The following VPS13B variants were observed in gnomAD, a reference collection of about 807,000 sequenced individuals.
The protein encoded by VPS13B is intermembrane lipid transfer protein VPS13B.
A neutral mutation model predicts 426.4 loss-of-function variants in VPS13B; 285 were observed. The ratio of observed to expected loss-of-function variants is 0.67; its 90% CI spans 0.61 to 0.74. The LOEUF (loss-of-function observed/expected upper bound fraction) is 0.74. Among genes scored for constraint, VPS13B ranks in the 30% least tolerant of loss-of-function variants. The pLI, the probability that VPS13B is intolerant of heterozygous loss-of-function variation, is 0.00. For missense variants in VPS13B, 4,537 were observed against 4,782.6 expected (o/e 0.95, Z 1.51); for synonymous variants, 1,676 against 1,676.4 (o/e 1.00, Z 0.01).
At chr8:99,298,295 C>A (rs371924195) in intron 19 of VPS13B, among the ~76,000 whole-genome samples, 1 of 152,070 alleles carries the variant, frequency 6.6e-6, no homozygotes, top group Non-Finnish European at 1.5e-5. Flanking sequence ...TCGAGACCAG[C>A]CTGACCAATA....
intron 43 of VPS13B, among the ~76,000 whole-genome samples, chr8:99,789,402 T>C (rs923908011): frequency 6.6e-6 from 1 of 152,152 alleles, no homozygotes; most frequent in Non-Finnish European, 1.5e-5. Context: ...TGTTCTCCTA[T>C]GTGTGCATGC....
chr8:99,581,196 A>G (rs1826042742), intron 33 of VPS13B, among the ~76,000 whole-genome samples: 1 of 152,058 alleles, frequency 6.6e-6, no homozygotes, highest in African/African-American at 2.4e-5. Flanking sequence ...AAAAAAAAGT[A>G]TAATATGATA....
chr8:99,141,272 G>C (rs770491122), intron 12 of VPS13B, among the ~76,000 whole-genome samples: 4 of 152,152 alleles, frequency 2.6e-5, no homozygotes, highest in Non-Finnish European at 4.4e-5. Flanking sequence ...ACAAGCCATG[G>C]TATCTAAATT....
chr8:99,615,117 CAA>C (rs747102670), intron 33 of VPS13B, among the ~76,000 whole-genome samples: 27 of 58,608 alleles, frequency 4.6e-4, no homozygotes, highest in Admixed American at 1.2e-3. Flanking sequence ...AACTCCGTCT[CAA>C]AAAAAAAAAA....
chr8:99,806,218 A>G (rs776934181), intron 43 of VPS13B, among the ~76,000 whole-genome samples: 2 of 152,230 alleles, frequency 1.3e-5, no homozygotes, highest in Non-Finnish European at 1.5e-5. Flanking sequence ...ATCTAAATCT[A>G]TGTATTTAAC....
At chr8:99,777,053 A>T in intron 41 of VPS13B, 97 bp downstream of exon 41, 5 of 1,455,694 alleles carry the variant, frequency 3.4e-6, no homozygotes, top group Non-Finnish European at 3.8e-6. Context: ...TAGATAATGT[A>T]TTTTCAGGAA....
chr8:99,261,856 G>A (rs1818055373), intron 17 of VPS13B, among the ~76,000 whole-genome samples: 1 of 152,142 alleles, frequency 6.6e-6, no homozygotes, highest in African/African-American at 2.4e-5. Flanking sequence ...CACATTTTAT[G>A]TATTTATTTC....
chr8:99,454,424 C>A (rs1258273901), intron 23 of VPS13B, among the ~76,000 whole-genome samples: 3 of 152,144 alleles, frequency 2.0e-5, no homozygotes, highest in Non-Finnish European at 4.4e-5. Flanking sequence ...CCCACCTTGG[C>A]CTCCTAAAAC....
At chr8:99,524,546 C>G (rs1250958625) in intron 30 of VPS13B, among the ~76,000 whole-genome samples, 1 of 152,164 alleles carries the variant, frequency 6.6e-6, no homozygotes, top group Admixed American at 6.5e-5. Flanking sequence ...GATCCCAACC[C>G]TTTGGAAAGC....
intron 23 of VPS13B, among the ~76,000 whole-genome samples, chr8:99,455,708 A>T (rs545889663): frequency 1.3e-5 from 2 of 152,226 alleles, no homozygotes; most frequent in East Asian, 3.9e-4. Flanking sequence ...ATTTTAATAC[A>T]CTGGAATCAT....
chr8:99,691,814 C>T (rs1423283206), intron 35 of VPS13B, among the ~76,000 whole-genome samples: 1 of 140,468 alleles, frequency 7.1e-6, no homozygotes, highest in Non-Finnish European at 1.5e-5. Flanking sequence ...CATGCAGAGA[C>T]ACACATAGGC....
intron 21 of VPS13B, among the ~76,000 whole-genome samples, chr8:99,423,456 G>A (rs561176853): frequency 6.0e-5 from 9 of 149,478 alleles, no homozygotes; most frequent in African/African-American, 2.2e-4. Flanking sequence ...TTAGTAGAGA[G>A]GTGGTTTTAC....
intron 24 of VPS13B, among the ~76,000 whole-genome samples, chr8:99,478,588 C>T (rs1274702985): frequency 6.7e-6 from 1 of 150,282 alleles, no homozygotes; most frequent in East Asian, 2.0e-4. Context: ...GCTGGGATTA[C>T]AGGCACCCAC....
At chr8:99,700,442 C>T (rs1339449607) in intron 36 of VPS13B, among the ~76,000 whole-genome samples, 1 of 152,308 alleles carries the variant, frequency 6.6e-6, no homozygotes, top group East Asian at 1.9e-4. Context: ...TCACTGGTAA[C>T]CATTTACTTA....
chr8:99,181,301 C>A (rs1156581803), intron 16 of VPS13B, among the ~76,000 whole-genome samples: 2 of 152,106 alleles, frequency 1.3e-5, no homozygotes, highest in Non-Finnish European at 2.9e-5. Context: ...CAGAGTTAGT[C>A]TATTAATCTG....
At position 99,137,844 on chromosome 8, in the gene VPS13B, G is replaced by A. The variant is rs184940830; in HGVS notation, c.1651+1092G>A. Among the ~76,000 whole-genome samples the A allele has an allele frequency of 4.0e-4, 61 of 152,226 alleles. 1 individual carries two copies. Among genetic ancestry groups the A allele is most frequent in the South Asian group, 1.5e-3 (7 of 4,822 alleles). On this transcript the variant is annotated intron_variant, in intron 12 of 61. Transcript: ENST00000357162. ...ATTAAATATCCAATGCATACTTGAC[G>A]TTTTTGCCTCTGTGTCTTTCAGATA...
At chr8:99,482,489 G>C (rs755435897) in intron 25 of VPS13B, among the ~76,000 whole-genome samples, 27 of 152,050 alleles carry the variant, frequency 1.8e-4, no homozygotes, top group Non-Finnish European at 3.7e-4. Flanking sequence ...AAATGCCTGG[G>C]CATGACTACA....
chr8:99,423,884 C>T lies in VPS13B; in HGVS notation c.3083-7653C>T, dbSNP rs117010431. 5.3e-3 allele frequency among the ~76,000 whole-genome samples: 802 copies of T among 152,104 alleles called. 4 individuals are homozygous for T. Among genetic ancestry groups the T allele is most frequent in the Non-Finnish European group, 7.0e-3 (479 of 68,002 alleles). ...TGTGGTGTTGAAAAGAATGCATATA[C>T]GTTGATTTGGGGTGGAGAGTTCCTT... On this transcript the variant is annotated intron_variant, in intron 21 of 61. Coordinates refer to ENST00000357162, the MANE Select transcript of VPS13B (RefSeq NM_152564.5).
chr8:99,840,469 G>A (rs1424238252), intron 54 of VPS13B, among the ~76,000 whole-genome samples: 1 of 152,192 alleles, frequency 6.6e-6, no homozygotes, highest in Non-Finnish European at 1.5e-5. Flanking sequence ...TAGATGTGGT[G>A]AGCGTGCATT....
Sources: gnomAD v4.1 joint callset for allele counts (sites outside exome capture counted in the v4.1 genomes callset) on GRCh38, gnomAD v4.1.1 for gene constraint, MANE v1.5 for transcripts, NCBI Gene and HGNC (gene_info 2026-07-23, HGNC 2026-07-21) for gene names.